The following CLSTN2 variants were observed in gnomAD, a reference collection of about 807,000 sequenced individuals.
CLSTN2 encodes calsyntenin-2.
A neutral mutation model predicts 101.2 loss-of-function variants in CLSTN2; 48 were observed. That is an observed-to-expected ratio of 0.47 (90% CI 0.38 to 0.60). The LOEUF is 0.60. CLSTN2 is among the 20% of genes least tolerant of loss of function. CLSTN2 has a pLI of 0.00. For missense variants in CLSTN2, 1,160 were observed against 1,238.2 expected (o/e 0.94, Z 0.95); for synonymous variants, 481 against 463.6 (o/e 1.04, Z -0.48).
chr3:140,442,477 T>G (rs1191908619), intron 5 of CLSTN2, among the ~76,000 whole-genome samples: 1 of 152,210 alleles, frequency 6.6e-6, no homozygotes, highest in African/African-American at 2.4e-5. Context: ...GGTACTCCTC[T>G]GCCCCCTCCC....
intron 1 of CLSTN2, among the ~76,000 whole-genome samples, chr3:140,011,225 C>T (rs1431447239): frequency 6.6e-6 from 1 of 152,198 alleles, no homozygotes; most frequent in Non-Finnish European, 1.5e-5. Context: ...TAATCCTTGA[C>T]TGGCATTTTG....
intron 2 of CLSTN2, among the ~76,000 whole-genome samples, chr3:140,329,186 A>G (rs1416324324): frequency 6.6e-6 from 1 of 152,044 alleles, no homozygotes; most frequent in Non-Finnish European, 1.5e-5. Flanking sequence ...CGGGAGTTTG[A>G]GACCAGCCTG....
chr3:140,485,844 A>G (rs1247307462), intron 8 of CLSTN2, among the ~76,000 whole-genome samples: 1 of 152,122 alleles, frequency 6.6e-6, no homozygotes, highest in East Asian at 1.9e-4. Flanking sequence ...CCGATTTTCC[A>G]GGTGCCGTCT....
In CLSTN2 at chr3:140,408,649, G is replaced by A. The variant is rs568019544; in HGVS notation, c.637+3883G>A. ...AGTTTTTCACTTTTGCAGTTTCTAG[G>A]TACTTGAGTTACCACCTCTCTTCTT... On this transcript the variant is annotated intron_variant, in intron 4 of 16. Transcript: ENST00000458420. Among the ~76,000 whole-genome samples, 405 of 152,212 alleles carry A rather than the reference G, an allele frequency of 2.7e-3. 3 individuals are homozygous for A. Among genetic ancestry groups the A allele is most frequent in the Non-Finnish European group, 3.6e-3 (242 of 68,008 alleles).
At position 140,117,245 on chromosome 3, in the gene CLSTN2, C is replaced by A. The variant is rs1026363030; in HGVS notation, c.110-58706C>A. 2.6e-5 allele frequency among the ~76,000 whole-genome samples: 4 copies of A among 152,220 alleles called. No homozygotes were observed. The East Asian group carries it at 7.7e-4, about 29-fold the overall frequency. ...GTGGTTGCCTCTCTGCAGCCTCTGA[C>A]CTTCTCAGAGCCAAGAATGTGTCCT... On this transcript the variant is annotated intron_variant, in intron 1 of 16. Coordinates refer to ENST00000458420, the MANE Select transcript of CLSTN2 (RefSeq NM_022131.3).
intron 7 of CLSTN2, among the ~76,000 whole-genome samples, chr3:140,464,200 G>A (rs1933630946): frequency 6.6e-6 from 1 of 152,162 alleles, no homozygotes; most frequent in Non-Finnish European, 1.5e-5. Context: ...AGAGCTAGGA[G>A]GAGGTTGGGG....
chr3:140,094,678 T>C (rs887273451), intron 1 of CLSTN2, among the ~76,000 whole-genome samples: 2 of 152,184 alleles, frequency 1.3e-5, no homozygotes, highest in Non-Finnish European at 2.9e-5. Flanking sequence ...TGTGCAATAC[T>C]AATAGTGTAT....
chr3:140,404,240 G>A (rs1244872153), intron 3 of CLSTN2, among the ~76,000 whole-genome samples: 3 of 152,224 alleles, frequency 2.0e-5, no homozygotes, highest in African/African-American at 7.2e-5. Context: ...AACAGAGTAA[G>A]AGGGGTTAAA....
At chr3:139,985,039 C>G (rs1277747422) in intron 1 of CLSTN2, among the ~76,000 whole-genome samples, 1 of 152,202 alleles carries the variant, frequency 6.6e-6, no homozygotes, top group African/African-American at 2.4e-5. Context: ...CCATTTCTCT[C>G]CATCTCCACT....
chr3:140,324,589 A>G lies in CLSTN2; in HGVS notation c.233-79040A>G, dbSNP rs2087314121. 2.0e-5 allele frequency among the ~76,000 whole-genome samples: 3 copies of G among 152,226 alleles called. No individual in the cohort carries two copies. In the South Asian group the frequency reaches 6.2e-4, roughly 31 times the overall value. On this transcript the variant is annotated intron_variant, in intron 2 of 16. Transcript: ENST00000458420. ...TGGTTTTCCTTTTTCTTTCCCTATA[A>G]TTTTCCAAAATTTGTATGATTCACA...
chr3:140,277,422 T>C (rs2086804636), intron 2 of CLSTN2, among the ~76,000 whole-genome samples: 1 of 152,208 alleles, frequency 6.6e-6, no homozygotes, highest in South Asian at 2.1e-4. Context: ...CCAGTTGCAC[T>C]GGGCCTGAGA....
chr3:140,084,638 T>A (rs2008651059), intron 1 of CLSTN2, among the ~76,000 whole-genome samples: 1 of 152,076 alleles, frequency 6.6e-6, no homozygotes, highest in Non-Finnish European at 1.5e-5. Flanking sequence ...TACCTGAGGG[T>A]TCTCTAATAT....
At chr3:140,363,974 T>C (rs1293472213) in intron 2 of CLSTN2, among the ~76,000 whole-genome samples, 2 of 152,200 alleles carry the variant, frequency 1.3e-5, no homozygotes, top group Non-Finnish European at 2.9e-5. Flanking sequence ...AGTTACAGGA[T>C]GCAGCACCAC....
intron 8 of CLSTN2, among the ~76,000 whole-genome samples, chr3:140,496,145 AGTGGTTT>A (rs1934460392): frequency 6.6e-6 from 1 of 152,162 alleles, no homozygotes; most frequent in Non-Finnish European, 1.5e-5. Context: ...TTTCTTGAGC[AGTGGTTT>A]GTAGTTCTCC....
At chr3:140,187,796 A>G (rs948099898) in intron 2 of CLSTN2, among the ~76,000 whole-genome samples, 3 of 152,134 alleles carry the variant, frequency 2.0e-5, no homozygotes, top group Non-Finnish European at 4.4e-5. Flanking sequence ...ATCATTATAA[A>G]TGTATCAACT....
At chr3:140,101,665 T>A (rs1425194311) in intron 1 of CLSTN2, among the ~76,000 whole-genome samples, 1 of 152,242 alleles carries the variant, frequency 6.6e-6, no homozygotes, top group Non-Finnish European at 1.5e-5. Flanking sequence ...AGTTTATTTG[T>A]CATTCTTGCA....
chr3:140,238,918 A>G (rs183921133), intron 2 of CLSTN2, among the ~76,000 whole-genome samples: 14 of 152,348 alleles, frequency 9.2e-5, no homozygotes, highest in Admixed American at 3.9e-4. Context: ...GTTTTAGTTC[A>G]GCATTGATGG....
intron 2 of CLSTN2, among the ~76,000 whole-genome samples, chr3:140,339,743 A>G (rs2087473803): frequency 6.6e-6 from 1 of 152,328 alleles, no homozygotes; most frequent in Non-Finnish European, 1.5e-5. Context: ...TACTCAAACT[A>G]TGCAAAAACC....
intron 1 of CLSTN2, among the ~76,000 whole-genome samples, chr3:140,087,022 G>T (rs1383403346): frequency 2.0e-5 from 3 of 152,156 alleles, no homozygotes; most frequent in South Asian, 2.1e-4. Context: ...ACAAATGGTA[G>T]ATCCCAAATT....
Sources: allele counts gnomAD v4.1 joint callset (sites outside exome capture counted in the v4.1 genomes callset), GRCh38; gene constraint gnomAD v4.1.1; transcripts MANE v1.5; gene names NCBI Gene and HGNC (gene_info 2026-07-23, HGNC 2026-07-21).